Variants in RC3H2 observed in about 807,000 individuals in gnomAD.
RC3H2 encodes roquin-2.
A neutral mutation model predicts 133.3 loss-of-function variants in RC3H2; 31 were observed. The ratio of observed to expected loss-of-function variants is 0.23; its 90% CI spans 0.17 to 0.31. The LOEUF (loss-of-function observed/expected upper bound fraction) is 0.31. RC3H2 is among the 10% of genes least tolerant of loss of function. The pLI is 1.00. For synonymous variants in RC3H2, 517 were observed against 502.2 expected (o/e 1.03, Z -0.40); for missense variants, 1,175 against 1,437.2 (o/e 0.82, Z 2.95).
At chr9:122,887,532 A>G (rs1214418225) in intron 4 of RC3H2, among the ~76,000 whole-genome samples, 1 of 152,114 alleles carries the variant, frequency 6.6e-6, no homozygotes, top group African/African-American at 2.4e-5. Context: ...GCATTTACCC[A>G]AAGAGCCCTG....
chr9:122,878,071 A>C (rs868369833), intron 8 of RC3H2, among the ~76,000 whole-genome samples: 48 of 152,308 alleles, frequency 3.2e-4, no homozygotes, highest in Middle Eastern at 3.4e-3. Context: ...GAGTTCATAC[A>C]ATGAGGCAGA....
chr9:122,866,380 C>CCCCCTG lies in RC3H2; in HGVS notation c.1326-724_1326-723insCAGGGG, dbSNP rs1830662302. Among the ~76,000 whole-genome samples, 3 of 568 alleles carry CCCCCTG rather than the reference C, an allele frequency of 5.3e-3. 1 individual carries two copies. Among genetic ancestry groups the CCCCCTG allele is most frequent in the Non-Finnish European group, 0.029 (3 of 102 alleles). 0.4% of individuals were successfully genotyped at this position (568 alleles called of 152,430 possible). Reference sequence around the variant, plus strand: ...CTCCCTCTCCCCCTCCCCCTCCCCCCTCCCTCTCCCCACGGTCTCCCTCTC... The same window carrying CCCCCTG: ...CTCCCTCTCCCCCTCCCCCTCCCCCCCCCCTGTCCCTCTCCCCACGGTCTCCCTCTC... On this transcript the variant is annotated intron_variant, in intron 9 of 20. Coordinates refer to ENST00000357244, the MANE Select transcript of RC3H2 (RefSeq NM_001100588.3).
At chr9:122,857,800 A>G in intron 13 of RC3H2, 123 bp downstream of exon 13, 1 of 773,582 alleles carries the variant, frequency 1.3e-6, no homozygotes, top group Non-Finnish European at 2.0e-6. Flanking sequence ...TTATTGAACT[A>G]AACTCAATTG....
At chr9:122,878,648 G>A (rs1019246730) in intron 8 of RC3H2, among the ~76,000 whole-genome samples, 35 of 152,132 alleles carry the variant, frequency 2.3e-4, no homozygotes, top group African/African-American at 8.2e-4. Flanking sequence ...AGGTGGCTGT[G>A]AGGATAAGAA....
In RC3H2 at chr9:122,880,704, T is replaced by G; in HGVS notation, c.850A>C (p.Ile284Leu). The change falls in exon 6 of 21, where the codon ATT becomes CTT. Residue 284 changes from isoleucine (I) to leucine (L), a missense_variant. Physicochemically the swap from Ile to Leu is conservative, Grantham distance 5 (BLOSUM62 2). Coordinates refer to ENST00000357244, the MANE Select transcript of RC3H2 (RefSeq NM_001100588.3). ...CCTGCTTCCATGGCAATATGAACAA[T>G]TTGGGCATCATGTTCTCTGCGTAAT... is the stretch of plus-strand genomic sequence containing the variant. ...EALRREHDAQ[I>L]VHIAMEAGLR... 1.2e-6 allele frequency: 2 copies of G among 1,614,034 alleles called. No homozygotes were observed. Among genetic ancestry groups the G allele is most frequent in the Non-Finnish European group, 1.7e-6 (2 of 1,179,898 alleles).
intron 18 of RC3H2, among the ~76,000 whole-genome samples, chr9:122,852,774 C>T (rs1383211832): frequency 3.8e-4 from 56 of 147,438 alleles, no homozygotes; most frequent in African/African-American, 1.4e-3. Context: ...GTCAGCCCCC[C>T]GCCTGGCCAG....
At chr9:122,867,698 C>T (rs1260157709) in intron 9 of RC3H2, among the ~76,000 whole-genome samples, 34 of 112,492 alleles carry the variant, frequency 3.0e-4, no homozygotes, top group Non-Finnish European at 4.8e-4. Context: ...ATGTGAGGAG[C>T]GCCTCTGCCT....
At chr9:122,851,458 C>T (rs372952802) in intron 18 of RC3H2, 22 bp from the exon 19 acceptor site, 1 of 1,596,576 alleles carries the variant, frequency 6.3e-7, no homozygotes, top group African/African-American at 1.4e-5. Flanking sequence ...ACTGATTTTG[C>T]TCTCCCTCTC....
chr9:122,877,537 C>T lies in RC3H2; in HGVS notation c.1259G>A (p.Arg420Gln), dbSNP rs374834754. Residue 420 changes from arginine (R) to glutamine (Q), a missense_variant, in exon 9 of 21, where the codon CGA (arginine) becomes CAA (glutamine). Arg to Gln is a conservative substitution (Grantham distance 43). Around this residue, in one of 8 missense-constraint regions of RC3H2, gnomAD observed 131 missense variants for 154.2 expected, o/e 0.85. Transcript: ENST00000357244. ...KYKTSMCRDLRQQGGCPRGTN... is the reference protein window; with the variant it reads ...KYKTSMCRDLQQQGGCPRGTN... ...TCCTCGTGGACAACCCCCTTGCTGTCGCAAATCTCGGCACATGCTAGTCTT... is the reference window on the plus strand; with the variant it reads ...TCCTCGTGGACAACCCCCTTGCTGTTGCAAATCTCGGCACATGCTAGTCTT... 5.6e-6 allele frequency: 9 copies of T among 1,614,034 alleles called. No individual in the cohort carries two copies. The highest frequency in any genetic ancestry group is 5.0e-5 in the Admixed American group (3 of 60,000).
intron 1 of RC3H2, among the ~76,000 whole-genome samples, chr9:122,901,002 G>T (rs773992364): frequency 3.3e-5 from 5 of 152,152 alleles, no homozygotes; most frequent in Non-Finnish European, 5.9e-5. Context: ...TCTCTTATAT[G>T]ATTCAAATTA....
intron 4 of RC3H2, among the ~76,000 whole-genome samples, chr9:122,889,636 GATCAAGAGTTTA>G (rs1299826176): frequency 6.6e-6 from 1 of 151,810 alleles, no homozygotes; most frequent in Admixed American, 6.6e-5. Context: ...CCCTAAAAAC[GATCAAGAGTTTA>G]AACATTTTTT....
At chr9:122,896,341 G>A (rs1832418734) in intron 2 of RC3H2, among the ~76,000 whole-genome samples, 1 of 151,976 alleles carries the variant, frequency 6.6e-6, no homozygotes, top group South Asian at 2.1e-4. Context: ...GTCAAGTGAA[G>A]TAAAAAAAAG....
intron 9 of RC3H2, among the ~76,000 whole-genome samples, chr9:122,868,877 G>A (rs959838264): frequency 0.078 from 1,395 of 17,904 alleles, 73 homozygotes; most frequent in South Asian, 0.26. Context: ...GTGTGTGTGT[G>A]TGTGTGTGTG....
At chr9:122,852,172 G>GCA (rs1830052782) in intron 18 of RC3H2, among the ~76,000 whole-genome samples, 7 of 150,852 alleles carry the variant, frequency 4.6e-5, no homozygotes, top group Non-Finnish European at 7.4e-5. Flanking sequence ...TGTGAGGAAT[G>GCA]CCTCTGCCCG....
At chr9:122,863,724 G>C (rs528033569) in intron 10 of RC3H2, among the ~76,000 whole-genome samples, 2 of 152,076 alleles carry the variant, frequency 1.3e-5, no homozygotes, top group Admixed American at 6.5e-5. Flanking sequence ...ATCTTGCCCA[G>C]GGAAGATTGT....
At position 122,845,171 on chromosome 9, in the gene RC3H2, A is replaced by G. The variant is rs1248312466; in HGVS notation, c.*4456T>C. On this transcript the variant is annotated 3_prime_UTR_variant, in exon 21 of 21. Transcript: ENST00000357244. Reference sequence around the variant, plus strand: ...ACAGGCCTCTTTTCCCAAACTTTCCAGCTAAGCAAATTTATAAAATGTAAT... The same window carrying G: ...ACAGGCCTCTTTTCCCAAACTTTCCGGCTAAGCAAATTTATAAAATGTAAT... The G allele has an allele frequency of 6.6e-6, 1 of 152,248 alleles. No individual in the cohort carries two copies. Among genetic ancestry groups the G allele is most frequent in the Non-Finnish European group, 1.5e-5 (1 of 68,046 alleles). 9.4% of individuals were successfully genotyped at this position (152,248 alleles called of 1,614,324 possible). A position where few individuals can be genotyped will look rare whatever the true frequency, so the allele number is the denominator to read the frequency against.
At chr9:122,875,497 G>A in intron 9 of RC3H2, 1 of 1,295,918 alleles carries the variant, frequency 7.7e-7, no homozygotes, top group Middle Eastern at 2.8e-4. Context: ...TGCTACAGTG[G>A]CACTGCTGAG....
chr9:122,890,136 G>A, intron 4 of RC3H2, 176 bp downstream of exon 4: 1 of 637,480 alleles, frequency 1.6e-6, no homozygotes, highest in South Asian at 1.9e-5. Context: ...GTGAGACCCT[G>A]TCTCAAACAA....
chr9:122,854,139 T>A, intron 17 of RC3H2, 46 bp downstream of exon 17: 1 of 1,611,692 alleles, frequency 6.2e-7, no homozygotes, highest in Non-Finnish European at 8.5e-7. Context: ...AGCTTTCAAC[T>A]GTCATTCTAT....
Sources: allele counts gnomAD v4.1 joint callset (sites outside exome capture counted in the v4.1 genomes callset), GRCh38; gene constraint gnomAD v4.1.1; regional missense constraint gnomAD v4.1.1; transcripts MANE v1.5; gene names NCBI Gene and HGNC (gene_info 2026-07-23, HGNC 2026-07-21).